Variants in SPIRE1 observed in about 807,000 individuals in gnomAD.
SPIRE1 encodes the protein protein spire homolog 1.
In SPIRE1, 40 loss-of-function variants were observed where a neutral mutation model predicts 94.1. The ratio of observed to expected loss-of-function variants is 0.43; its 90% CI spans 0.33 to 0.55. The LOEUF (loss-of-function observed/expected upper bound fraction) is 0.55, where lower values mean the gene tolerates loss of function less well. SPIRE1 is among the 20% of genes least tolerant of loss of function. SPIRE1 has a pLI of 0.06. For missense variants in SPIRE1, 838 were observed against 975.2 expected (o/e 0.86, Z 1.87); for synonymous variants, 376 against 371.7 (o/e 1.01, Z -0.13).
At chr18:12,454,898 C>T (rs1230416778) in intron 12 of SPIRE1, among the ~76,000 whole-genome samples, 1 of 151,380 alleles carries the variant, frequency 6.6e-6, no homozygotes, top group African/African-American at 2.4e-5. Context: ...TTGTGTTGTA[C>T]ATTATATACC....
In SPIRE1 at chr18:12,449,384, C is replaced by T; in HGVS notation, c.*254G>A. ...GGAAGTAGCTACTGGCTTCCAAAGC[C>T]ACACACACACAAAAGTAAGTTTCAA... On this transcript the variant is annotated 3_prime_UTR_variant, in exon 17 of 17. Transcript: ENST00000409402. 1 of 475,154 alleles carries T rather than the reference C, an allele frequency of 2.1e-6. No individual in the cohort carries two copies. The highest frequency in any genetic ancestry group is 3.8e-6 in the Non-Finnish European group (1 of 264,078). 29.4% of individuals were successfully genotyped at this position (475,154 alleles called of 1,614,324 possible).
chr18:12,515,800 T>C (rs1030292916), intron 4 of SPIRE1, among the ~76,000 whole-genome samples: 2 of 152,122 alleles, frequency 1.3e-5, no homozygotes, highest in Admixed American at 6.5e-5. Flanking sequence ...TTGCTTCAAT[T>C]TGGGACATCT....
rs753583218 is a variant in SPIRE1 at position 12,535,482 on chromosome 18, C to T, written c.723G>A (p.Ala241=). The part of the protein sequence containing the change: ...LHTFLTKIKS[A]KENLKKIQEM... ...TCAAAGCAGTAGTACTCACCTCTTT[C>T]GCACTCTTAATTTTGGTCAGAAATG... Residue 241 remains alanine (A), a synonymous_variant, in exon 4 of 17, where the codon GCG becomes GCA. Transcript: ENST00000409402. 2.1e-5 allele frequency: 34 copies of T among 1,612,030 alleles called. No homozygotes were observed. Among genetic ancestry groups the T allele is most frequent in the East Asian group, 4.5e-5 (2 of 44,820 alleles).
intron 12 of SPIRE1, among the ~76,000 whole-genome samples, chr18:12,456,997 C>G (rs1364767403): frequency 6.6e-6 from 1 of 152,142 alleles, no homozygotes; most frequent in Non-Finnish European, 1.5e-5. Context: ...ACCACCACAC[C>G]TAGCTAATTT....
intron 12 of SPIRE1, chr18:12,459,889 G>C: frequency 1.0e-6 from 1 of 985,848 alleles, no homozygotes; most frequent in Non-Finnish European, 1.2e-6. Flanking sequence ...AAAAGTGGTC[G>C]AAAAGGCGTC....
At chr18:12,476,558 AAAAAAAATAT>A (rs1487799582) in intron 10 of SPIRE1, among the ~76,000 whole-genome samples, 122 of 83,288 alleles carry the variant, frequency 1.5e-3, no homozygotes, top group African/African-American at 7.7e-3. Flanking sequence ...AAAAAAAAAA[AAAAAAAATAT>A]ATATATATAT....
At chr18:12,543,513 CCT>C (rs1409756730) in intron 3 of SPIRE1, among the ~76,000 whole-genome samples, 2 of 152,144 alleles carry the variant, frequency 1.3e-5, no homozygotes, top group African/African-American at 4.8e-5. Context: ...TTACTCTCCC[CCT>C]GACTTACTTT....
chr18:12,562,849 G>A (rs2035726484), intron 2 of SPIRE1, among the ~76,000 whole-genome samples: 1 of 151,870 alleles, frequency 6.6e-6, no homozygotes, highest in Admixed American at 6.6e-5. Flanking sequence ...CAACTTCTAA[G>A]ATTATAAAAT....
intron 16 of SPIRE1, chr18:12,450,471 C>T (rs2031178888): frequency 3.7e-6 from 2 of 545,420 alleles, no homozygotes; most frequent in Non-Finnish European, 6.0e-6. Context: ...CCCCAAGAAA[C>T]CAAAGGGCAA....
rs1368079243 is a variant in SPIRE1, at chr18:12,657,552, C to A, written c.315G>T (p.Ala105=). The A allele has an allele frequency of 1.1e-5, 13 of 1,236,070 alleles. No homozygotes were observed. Among genetic ancestry groups the A allele is most frequent in the Non-Finnish European group, 1.3e-5 (13 of 990,412 alleles). The allele number at this position is 1,236,070 out of a possible 1,614,324, so 76.6% of individuals were successfully genotyped here. ...CACCCGCAACTGGGGGCGGCTCTCC[C>A]GCGTCGTCGGCCGCGGGCGCCAGGG... The part of the protein sequence containing the change: ...AVTLAPAADD[A]GEPPPVAGKL... Residue 105 remains alanine (A), a synonymous_variant, in exon 1 of 17, where the codon GCG becomes GCT. Coordinates refer to ENST00000409402, the MANE Select transcript of SPIRE1 (RefSeq NM_001128626.2).
intron 8 of SPIRE1, among the ~76,000 whole-genome samples, chr18:12,487,405 T>C (rs1159033606): frequency 6.8e-6 from 1 of 147,000 alleles, no homozygotes; most frequent in East Asian, 2.0e-4. Context: ...TTTCTTTCTT[T>C]TTTTTTTTTT....
At chr18:12,495,899 G>T in intron 7 of SPIRE1, 117 bp downstream of exon 7, 1 of 710,794 alleles carries the variant, frequency 1.4e-6, no homozygotes, top group Non-Finnish European at 2.4e-6. Flanking sequence ...TTCATCTTCA[G>T]AGTAAAAAGC....
intron 1 of SPIRE1, among the ~76,000 whole-genome samples, chr18:12,635,876 G>A (rs1472361558): frequency 1.3e-5 from 2 of 151,476 alleles, no homozygotes; most frequent in Non-Finnish European, 2.9e-5. Context: ...TAGAAAATTG[G>A]GTTTTTTTGG....
intron 10 of SPIRE1, among the ~76,000 whole-genome samples, chr18:12,477,797 C>T (rs71351484): frequency 0.1 from 15,137 of 152,128 alleles, 1,090 homozygotes; most frequent in Middle Eastern, 0.2. Flanking sequence ...AGCTGAGCAC[C>T]GATGGGCTGT....
At chr18:12,549,509 T>C (rs1322553383) in intron 2 of SPIRE1, among the ~76,000 whole-genome samples, 3 of 130,406 alleles carry the variant, frequency 2.3e-5, no homozygotes, top group Non-Finnish European at 4.6e-5. Context: ...TGGAGTGTAG[T>C]GGCGCGATCT....
At chr18:12,473,862 G>T (rs1322842756) in intron 10 of SPIRE1, among the ~76,000 whole-genome samples, 1 of 152,186 alleles carries the variant, frequency 6.6e-6, no homozygotes, top group Non-Finnish European at 1.5e-5. Flanking sequence ...AGTTTCTGGT[G>T]GATGTCATCA....
At chr18:12,626,731 G>C (rs187594059) in intron 2 of SPIRE1, among the ~76,000 whole-genome samples, 4 of 151,932 alleles carry the variant, frequency 2.6e-5, no homozygotes, top group Admixed American at 1.3e-4. Context: ...TGGCTATGTC[G>C]GCTTGGGCAA....
intron 1 of SPIRE1, among the ~76,000 whole-genome samples, chr18:12,640,756 AGGC>A (rs1293464589): frequency 1.3e-5 from 2 of 152,186 alleles, no homozygotes; most frequent in African/African-American, 2.4e-5. Context: ...GGCGTGTGAC[AGGC>A]CTGGGAAGTG....
At chr18:12,525,882 C>T (rs479860) in intron 4 of SPIRE1, among the ~76,000 whole-genome samples, 125,488 of 152,014 alleles carry the variant, frequency 0.83, 52,001 homozygotes, top group Middle Eastern at 0.89. Flanking sequence ...TGCAGTTCAT[C>T]TTCTTTGCCA....
Sources: allele counts gnomAD v4.1 joint callset (sites outside exome capture counted in the v4.1 genomes callset), GRCh38; gene constraint gnomAD v4.1.1; transcripts MANE v1.5; gene names NCBI Gene and HGNC (gene_info 2026-07-23, HGNC 2026-07-21).